The following CNTN4 variants were observed in gnomAD, a reference collection of about 807,000 sequenced individuals.
CNTN4 encodes contactin 4, also known as contactin-4.
CNTN4 carries 77 observed loss-of-function variants against 122.5 expected under a neutral mutation model. The observed-to-expected ratio is 0.63, with a 90% CI of 0.52 to 0.76. CNTN4 has a LOEUF of 0.76. Among genes scored for constraint, CNTN4 ranks in the 30% least tolerant of loss-of-function variants. The pLI is 0.00. For synonymous variants in CNTN4, 512 were observed against 447.0 expected, an observed-to-expected ratio of 1.15 and a Z score of -1.83; for missense variants, 1,256 against 1,259.1, an observed-to-expected ratio of 1.00 and a Z score of 0.04.
In CNTN4 at chr3:2,841,526, A is replaced by G. The variant is rs1233690407; in HGVS notation, c.454+21945A>G. Among the ~76,000 whole-genome samples, 4 of 152,216 alleles carry G rather than the reference A, an allele frequency of 2.6e-5. No homozygotes were observed. The East Asian group carries it at 5.8e-4, about 22-fold the overall frequency. ...GGGTTCCATTTGTAGCCATCAATAA[A>G]GAGATTAATTTATTATTCCCAATCG... is the stretch of plus-strand genomic sequence containing the variant. On this transcript the variant is annotated intron_variant, in intron 7 of 24. Transcript: ENST00000418658. The surrounding 1 kb of genome is among the most constrained non-coding windows in gnomAD (Gnocchi z 4.8).
intron 15 of CNTN4, among the ~76,000 whole-genome samples, chr3:3,027,207 G>A (rs896631945): frequency 5.9e-5 from 9 of 152,120 alleles, no homozygotes; most frequent in Non-Finnish European, 1.0e-4. Flanking sequence ...TATCAAACAG[G>A]GTTTTTGCAG....
chr3:2,623,536 G>A (rs1192975477), intron 4 of CNTN4, among the ~76,000 whole-genome samples: 1 of 152,124 alleles, frequency 6.6e-6, no homozygotes, highest in African/African-American at 2.4e-5. Context: ...CATAAATCAG[G>A]TTTGTGCAAA....
intron 7 of CNTN4, among the ~76,000 whole-genome samples, chr3:2,858,085 G>T (rs1342523451): frequency 1.3e-5 from 2 of 152,212 alleles, no homozygotes; most frequent in African/African-American, 4.8e-5. Flanking sequence ...GAGACTGAGT[G>T]CCTGTTCCTC....
rs767255917 is a variant in CNTN4 at position 3,042,304 on chromosome 3, C to G, written c.2399-6C>G. 3.1e-6 allele frequency: 5 copies of G among 1,606,030 alleles called. No homozygotes were observed. Among genetic ancestry groups the G allele is most frequent in the Non-Finnish European group, 4.3e-6 (5 of 1,172,692 alleles). On this transcript the variant is annotated splice_polypyrimidine_tract_variant and splice_region_variant and intron_variant, in intron 20 of 24. Transcript: ENST00000418658. ...GAGTAATAACTATCTCCATATTCAT[C>G]TACAGAACCCACCAAACCACCAGCC...
intron 14 of CNTN4, among the ~76,000 whole-genome samples, chr3:3,020,680 C>G (rs1166630106): frequency 1.3e-5 from 2 of 152,208 alleles, no homozygotes; most frequent in African/African-American, 4.8e-5. Context: ...GTTCTTCCTT[C>G]TACAGAGCCA....
chr3:2,164,466 C>G (rs2036109369), intron 2 of CNTN4, among the ~76,000 whole-genome samples: 1 of 152,146 alleles, frequency 6.6e-6, no homozygotes, highest in Non-Finnish European at 1.5e-5. Context: ...GGAGAACTAA[C>G]AGATTACCAT....
At chr3:3,030,751 C>A in intron 15 of CNTN4, 104 bp from the exon 16 acceptor site, 1 of 1,331,860 alleles carries the variant, frequency 7.5e-7, no homozygotes, top group Non-Finnish European at 1.1e-6. Flanking sequence ...ATGCTTTCAT[C>A]AGCCAGTGTA....
At chr3:2,453,333 T>G (rs985401351) in intron 3 of CNTN4, among the ~76,000 whole-genome samples, 2 of 152,140 alleles carry the variant, frequency 1.3e-5, no homozygotes, top group Non-Finnish European at 2.9e-5. Context: ...TTAAAAACAT[T>G]TAGGGGAAAG....
In CNTN4 at chr3:2,839,920, T is replaced by C. The variant is rs529447722; in HGVS notation, c.454+20339T>C. Among the ~76,000 whole-genome samples the C allele has an allele frequency of 1.3e-5, 2 of 152,292 alleles. 1 individual carries two copies. The highest frequency in any genetic ancestry group is 4.1e-4 in the South Asian group (2 of 4,822). Reference sequence around the variant, plus strand: ...ACTTTTTTAAAATTTTTTTTCTCTATTCCCAAGTGTTATTTCAAGAGCAAA... The same window carrying C: ...ACTTTTTTAAAATTTTTTTTCTCTACTCCCAAGTGTTATTTCAAGAGCAAA... On this transcript the variant is annotated intron_variant, in intron 7 of 24. Transcript: ENST00000418658.
chr3:2,194,977 G>T (rs773072388), intron 2 of CNTN4, among the ~76,000 whole-genome samples: 5 of 152,092 alleles, frequency 3.3e-5, no homozygotes, highest in Non-Finnish European at 7.4e-5. Flanking sequence ...TATATATTTA[G>T]ATTGTAGTCA....
chr3:2,506,873 G>A (rs2076744566), intron 3 of CNTN4, among the ~76,000 whole-genome samples: 1 of 152,062 alleles, frequency 6.6e-6, no homozygotes, highest in Non-Finnish European at 1.5e-5. Flanking sequence ...GTTTTCTGAG[G>A]CATAATCTAG....
At chr3:2,808,240 G>A (rs2092516781) in intron 6 of CNTN4, among the ~76,000 whole-genome samples, 1 of 152,062 alleles carries the variant, frequency 6.6e-6, no homozygotes, top group Non-Finnish European at 1.5e-5. Context: ...TTAGTAATAT[G>A]TTTCCAAGGC....
At chr3:2,616,409 T>C (rs2081740357) in intron 4 of CNTN4, among the ~76,000 whole-genome samples, 1 of 152,218 alleles carries the variant, frequency 6.6e-6, no homozygotes, top group African/African-American at 2.4e-5. Context: ...TTCATGTCTT[T>C]GCTGTTGTGA....
intron 14 of CNTN4, among the ~76,000 whole-genome samples, chr3:3,002,116 G>A (rs928697014): frequency 2.0e-5 from 3 of 152,198 alleles, no homozygotes; most frequent in Admixed American, 2.0e-4. Context: ...GAAATAGGGA[G>A]AGTGTAGATT....
At chr3:2,236,372 A>G (rs1247226356) in intron 2 of CNTN4, among the ~76,000 whole-genome samples, 2 of 152,212 alleles carry the variant, frequency 1.3e-5, no homozygotes, top group Non-Finnish European at 2.9e-5. Flanking sequence ...ATTTAATGTC[A>G]TTTAATGCTT....
At chr3:2,188,746 C>T (rs2037390742) in intron 2 of CNTN4, among the ~76,000 whole-genome samples, 1 of 152,230 alleles carries the variant, frequency 6.6e-6, no homozygotes, top group African/African-American at 2.4e-5. Flanking sequence ...GGGTGGGAAA[C>T]AGGTTGCAGC....
intron 2 of CNTN4, among the ~76,000 whole-genome samples, chr3:2,184,200 G>C (rs2037146319): frequency 6.6e-6 from 1 of 152,064 alleles, no homozygotes; most frequent in African/African-American, 2.4e-5. Context: ...TGCCCAGGCT[G>C]GTTTCAAATG....
chr3:2,930,543 T>A (rs2094510870), intron 13 of CNTN4, among the ~76,000 whole-genome samples: 1 of 152,232 alleles, frequency 6.6e-6, no homozygotes, highest in East Asian at 1.9e-4. Context: ...GTAAATAAAG[T>A]CTTCTTATTC....
At chr3:2,433,835 C>T (rs148944016) in intron 3 of CNTN4, among the ~76,000 whole-genome samples, 280 of 152,202 alleles carry the variant, frequency 1.8e-3, no homozygotes, top group African/African-American at 5.7e-3. Context: ...ATTCTACTTG[C>T]GAGTGTCTTG....
Sources: allele counts gnomAD v4.1 joint callset (sites outside exome capture counted in the v4.1 genomes callset), GRCh38; gene constraint gnomAD v4.1.1; non-coding constraint Gnocchi (gnomAD v3.1); transcripts MANE v1.5; gene names NCBI Gene and HGNC (gene_info 2026-07-23, HGNC 2026-07-21).